The following SGK1 variants were observed in gnomAD, a reference collection of about 807,000 sequenced individuals.
SGK1 encodes serum/glucocorticoid regulated kinase 1.
Under a neutral mutation model 64.2 loss-of-function variants are expected in SGK1, and 26 were observed. The observed-to-expected ratio is 0.40, with a 90% CI of 0.30 to 0.56. The LOEUF (loss-of-function observed/expected upper bound fraction) is 0.56, where lower values mean the gene tolerates loss of function less well. Among genes scored for constraint, SGK1 ranks in the 20% least tolerant of loss-of-function variants. The pLI, the probability that SGK1 is intolerant of heterozygous loss-of-function variation, is 0.38. For missense variants in SGK1, 519 were observed against 645.6 expected (o/e 0.80, Z 2.12); for synonymous variants, 265 against 239.7 (o/e 1.11, Z -0.98).
At chr6:134,252,660 G>A (rs913729743) in intron 2 of SGK1, among the ~76,000 whole-genome samples, 2 of 138,628 alleles carry the variant, frequency 1.4e-5, no homozygotes, top group South Asian at 2.3e-4. Flanking sequence ...AGGATTGTAA[G>A]GTAATTTAAA....
chr6:134,220,058 C>CAAAAAAAAAAAAAAAAAAAAA (rs55870107), intron 2 of SGK1, among the ~76,000 whole-genome samples: 3 of 61,348 alleles, frequency 4.9e-5, no homozygotes, highest in South Asian at 5.1e-4. Context: ...GACTCCGTCT[C>CAAAAAAAAAAAAAAAAAAAAA]AAAAAAAAAA....
intron 3 of SGK1, among the ~76,000 whole-genome samples, chr6:134,203,287 A>C (rs1373172059): frequency 6.6e-6 from 1 of 152,186 alleles, no homozygotes; most frequent in Non-Finnish European, 1.5e-5. Flanking sequence ...TAATCTTCAG[A>C]GCACCACTGA....
At chr6:134,193,975 G>A (rs572057371) in intron 3 of SGK1, among the ~76,000 whole-genome samples, 29 of 151,862 alleles carry the variant, frequency 1.9e-4, no homozygotes, top group South Asian at 8.3e-4. Flanking sequence ...ACAGGAGTCC[G>A]TCCCATCCTC....
intron 3 of SGK1, chr6:134,175,028 C>G: frequency 1.2e-6 from 1 of 836,908 alleles, no homozygotes; most frequent in South Asian, 2.5e-5. Context: ...GTTCTGTCCC[C>G]ATTGAGAGGG....
chr6:134,236,045 G>A (rs1025459539), intron 2 of SGK1, among the ~76,000 whole-genome samples: 3 of 152,006 alleles, frequency 2.0e-5, no homozygotes, highest in Non-Finnish European at 2.9e-5. Flanking sequence ...AGGTGGGTGA[G>A]GTCCCTTAGT....
chr6:134,178,420 G>A (rs1775281328), intron 3 of SGK1, among the ~76,000 whole-genome samples: 1 of 152,202 alleles, frequency 6.6e-6, no homozygotes, highest in Non-Finnish European at 1.5e-5. Flanking sequence ...GTGCTTGAGG[G>A]GAGGGGGAGA....
At chr6:134,255,071 T>C (rs1776660632) in intron 2 of SGK1, among the ~76,000 whole-genome samples, 1 of 152,146 alleles carries the variant, frequency 6.6e-6, no homozygotes, top group African/African-American at 2.4e-5. Flanking sequence ...GGTTTCACCA[T>C]GTTGGCCAGG....
intron 1 of SGK1, among the ~76,000 whole-genome samples, chr6:134,306,217 G>A (rs1026161311): frequency 2.0e-5 from 3 of 152,122 alleles, no homozygotes; most frequent in African/African-American, 7.2e-5. Flanking sequence ...GAGGTCAAGA[G>A]TTCGAGACCT....
At chr6:134,221,643 G>T (rs1776091878) in intron 2 of SGK1, among the ~76,000 whole-genome samples, 1 of 151,728 alleles carries the variant, frequency 6.6e-6, no homozygotes, top group African/African-American at 2.4e-5. Flanking sequence ...CGGGTGCTTG[G>T]CACATATAAT....
chr6:134,261,852 G>T (rs1776770672), intron 2 of SGK1, 81 bp downstream of exon 2: 1 of 992,086 alleles, frequency 1.0e-6, no homozygotes, highest in Non-Finnish European at 1.6e-6. Context: ...TATTTTTTGG[G>T]TATACTCTGG....
chr6:134,216,000 A>T (rs1293086367), intron 2 of SGK1, among the ~76,000 whole-genome samples: 1 of 152,212 alleles, frequency 6.6e-6, no homozygotes, highest in Non-Finnish European at 1.5e-5. Flanking sequence ...TGGGTGACAG[A>T]GCAAGACTCC....
chr6:134,275,490 T>G (rs904761002), intron 1 of SGK1, among the ~76,000 whole-genome samples: 8 of 152,258 alleles, frequency 5.3e-5, no homozygotes, highest in Admixed American at 3.9e-4. Flanking sequence ...TCAGGATTGA[T>G]GTATTATAAG....
chr6:134,299,202 CAAA>C (rs35424584), intron 1 of SGK1, among the ~76,000 whole-genome samples: 12 of 110,032 alleles, frequency 1.1e-4, no homozygotes, highest in Non-Finnish European at 2.3e-4. Flanking sequence ...AAAAAAATTA[CAAA>C]AAAAAAAAAA....
At chr6:134,207,278 C>A in intron 3 of SGK1, 78 bp downstream of exon 3, 1 of 880,798 alleles carries the variant, frequency 1.1e-6, no homozygotes. Flanking sequence ...TCCCCCCAAA[C>A]CTTGCCTTTG....
intron 2 of SGK1, 127 bp downstream of exon 2, chr6:134,261,806 C>A: frequency 1.4e-6 from 1 of 720,410 alleles, no homozygotes. Context: ...AATTCTAGGT[C>A]TTCCTCAGAA....
chr6:134,274,685 C>G (rs1222130691), intron 1 of SGK1, among the ~76,000 whole-genome samples: 2 of 151,498 alleles, frequency 1.3e-5, no homozygotes, highest in Non-Finnish European at 2.9e-5. Context: ...AAAAAAAACC[C>G]AAATCTGAAA....
chr6:134,275,312 G>A (rs192047864), intron 1 of SGK1, among the ~76,000 whole-genome samples: 41 of 152,324 alleles, frequency 2.7e-4, no homozygotes, highest in African/African-American at 7.9e-4. Context: ...CTCCCAAAGT[G>A]TTGGGATTAC....
intron 3 of SGK1, chr6:134,175,566 C>G (rs756100230): frequency 1.3e-6 from 2 of 1,561,316 alleles, no homozygotes; most frequent in Non-Finnish European, 1.7e-6. Flanking sequence ...GCAGGAAGGA[C>G]TCGCTCCTTT....
rs9389151 is a variant in SGK1, at chr6:134,221,869, T to A, written c.286-14438A>T. 0.015 allele frequency among the ~76,000 whole-genome samples: 2,335 copies of A among 152,152 alleles called. 226 individuals carry two copies. The East Asian group carries it at 0.29, about 19-fold the overall frequency. ...GGTTTCACCATGTCGGCCAGGTTGGTCTCAATCTCCTGGCCTCAAGTGATC... is the reference window on the plus strand; with the variant it reads ...GGTTTCACCATGTCGGCCAGGTTGGACTCAATCTCCTGGCCTCAAGTGATC... On this transcript the variant is annotated intron_variant, in intron 2 of 13. Coordinates refer to ENST00000367858, the MANE Select transcript of SGK1 (RefSeq NM_001143676.3).
Sources: allele counts gnomAD v4.1 joint callset (sites outside exome capture counted in the v4.1 genomes callset), GRCh38; gene constraint gnomAD v4.1.1; transcripts MANE v1.5; gene names NCBI Gene and HGNC (gene_info 2026-07-23, HGNC 2026-07-21).